NRXN1: variants seen among roughly 807,000 people sequenced by gnomAD.
The protein encoded by NRXN1 is neurexin-1.
In NRXN1, 39 loss-of-function variants were observed where a neutral mutation model predicts 150.9. The ratio of observed to expected loss-of-function variants is 0.26; its 90% confidence interval spans 0.20 to 0.34. The LOEUF is 0.34. Among genes scored for constraint, NRXN1 ranks in the 10% least tolerant of loss-of-function variants. The pLI is 1.00. For missense variants in NRXN1, 1,815 were observed against 1,949.9 expected, an observed-to-expected ratio of 0.93 and a Z score of 1.30; for synonymous variants, 924 against 757.0, an observed-to-expected ratio of 1.22 and a Z score of -3.62.
rs200849814 is a variant in NRXN1 at position 51,028,020 on chromosome 2, C to T, written c.254G>A (p.Arg85His). ...GAAGCTGAGCTGCAGGCGGCCGCCG[C>T]GCGTCAGAATCAGCTCCAGGAAGTC... The part of the protein sequence containing the change: ...FCDFLELILT[R>H]GGRLQLSFSI... The change falls in exon 2 of 23, where the codon CGC becomes CAC. Residue 85 changes from arginine to histidine, a missense_variant. Coordinates refer to ENST00000401669, the MANE Select transcript of NRXN1 (RefSeq NM_001330078.2). The T allele has an allele frequency of 1.9e-6, 3 of 1,599,508 alleles. No homozygotes were observed. Among genetic ancestry groups the T allele is most frequent in the South Asian group, 1.1e-5 (1 of 90,892 alleles).
At chr2:50,099,052 C>G (rs1700662304) in intron 18 of NRXN1, among the ~76,000 whole-genome samples, 1 of 151,938 alleles carries the variant, frequency 6.6e-6, no homozygotes, top group Non-Finnish European at 1.5e-5. Flanking sequence ...TCTAATATGT[C>G]TCCATCCTAC....
At chr2:49,989,532 T>C (rs931594503) in intron 21 of NRXN1, among the ~76,000 whole-genome samples, 1 of 152,144 alleles carries the variant, frequency 6.6e-6, no homozygotes, top group Non-Finnish European at 1.5e-5. Flanking sequence ...TTATTAATTG[T>C]TGTAGCAAGG....
chr2:50,842,771 T>C (rs1252151683), intron 5 of NRXN1, among the ~76,000 whole-genome samples: 1 of 152,182 alleles, frequency 6.6e-6, no homozygotes. Context: ...ATCACATTGG[T>C]ATTAGCAAGA....
At chr2:50,468,325 C>T (rs1395954526) in intron 16 of NRXN1, among the ~76,000 whole-genome samples, 1 of 151,572 alleles carries the variant, frequency 6.6e-6, no homozygotes, top group Non-Finnish European at 1.5e-5. Flanking sequence ...TCTATGTAAG[C>T]ATACAGACGT....
At chr2:50,817,407 G>A (rs746166184) in intron 5 of NRXN1, among the ~76,000 whole-genome samples, 11 of 151,294 alleles carry the variant, frequency 7.3e-5, no homozygotes, top group Non-Finnish European at 1.2e-4. Flanking sequence ...GGTTGCACTG[G>A]AGAATTACAC....
At chr2:50,543,905 CT>C (rs2093438702) in intron 9 of NRXN1, among the ~76,000 whole-genome samples, 2 of 152,068 alleles carry the variant, frequency 1.3e-5, no homozygotes. Flanking sequence ...ATAGGGAACC[CT>C]TTTTCCTGGT....
intron 12 of NRXN1, among the ~76,000 whole-genome samples, chr2:50,509,944 A>G (rs1216167441): frequency 6.6e-6 from 1 of 152,150 alleles, no homozygotes; most frequent in Non-Finnish European, 1.5e-5. Context: ...GGCCCTCACA[A>G]GAAGTGGAAC....
chr2:50,920,472 G>C (rs1685851156), intron 5 of NRXN1, among the ~76,000 whole-genome samples: 2 of 151,636 alleles, frequency 1.3e-5, no homozygotes, highest in South Asian at 4.1e-4. Flanking sequence ...TATATACTTA[G>C]AAATTGTGTA....
At chr2:50,576,250 T>G (rs960122441) in intron 8 of NRXN1, among the ~76,000 whole-genome samples, 3 of 152,040 alleles carry the variant, frequency 2.0e-5, no homozygotes, top group Non-Finnish European at 4.4e-5. Context: ...ATACAATTAG[T>G]GTTCTCATGT....
At chr2:50,692,832 CATT>C (rs970451891) in intron 5 of NRXN1, among the ~76,000 whole-genome samples, 1 of 152,110 alleles carries the variant, frequency 6.6e-6, no homozygotes, top group African/African-American at 2.4e-5. Flanking sequence ...CCCCATCAAT[CATT>C]GTTTCTTCAT....
chr2:50,894,963 G>C (rs971393106), intron 5 of NRXN1, among the ~76,000 whole-genome samples: 16 of 152,038 alleles, frequency 1.1e-4, no homozygotes, highest in Non-Finnish European at 2.2e-4. Context: ...ACTCCTTCAT[G>C]TTATTCCATA....
chr2:51,016,087 A>G (rs957484480), intron 2 of NRXN1, among the ~76,000 whole-genome samples: 4 of 152,136 alleles, frequency 2.6e-5, no homozygotes, highest in African/African-American at 9.7e-5. Context: ...CAACCATCTG[A>G]TCTTTGACAA....
intron 2 of NRXN1, among the ~76,000 whole-genome samples, chr2:50,927,632 T>C (rs575148695): frequency 3.2e-4 from 48 of 152,026 alleles, no homozygotes; most frequent in Non-Finnish European, 6.0e-4. Context: ...TATTGTAATG[T>C]TTAAGATATA....
intron 17 of NRXN1, among the ~76,000 whole-genome samples, chr2:50,259,247 G>C (rs2068014899): frequency 6.6e-6 from 1 of 151,892 alleles, no homozygotes; most frequent in Admixed American, 6.6e-5. Flanking sequence ...AATCTATTGA[G>C]TATAGTCAAC....
chr2:50,799,571 C>T (rs1412057410), intron 5 of NRXN1, among the ~76,000 whole-genome samples: 10 of 152,118 alleles, frequency 6.6e-5, no homozygotes, highest in Non-Finnish European at 1.5e-4. Context: ...CACTAGAAAC[C>T]GTACGTCGAG....
intron 2 of NRXN1, among the ~76,000 whole-genome samples, chr2:50,990,778 T>C (rs1443890481): frequency 1.3e-5 from 2 of 152,024 alleles, no homozygotes; most frequent in Admixed American, 1.3e-4. Flanking sequence ...CCCAGATCCA[T>C]GGCTCACATG....
chr2:50,349,678 G>T (rs2152999892), intron 17 of NRXN1, among the ~76,000 whole-genome samples: 1 of 152,270 alleles, frequency 6.6e-6, no homozygotes, highest in Admixed American at 6.5e-5. Flanking sequence ...CCACAGGGTA[G>T]AAAGGATATC....
At chr2:50,339,548 G>A (rs1002465406) in intron 17 of NRXN1, among the ~76,000 whole-genome samples, 2 of 152,092 alleles carry the variant, frequency 1.3e-5, no homozygotes, top group African/African-American at 2.4e-5. Context: ...AAATCTCACC[G>A]ATATTAAGTT....
chr2:50,409,169 A>C (rs1460230865), intron 17 of NRXN1, among the ~76,000 whole-genome samples: 1 of 152,168 alleles, frequency 6.6e-6, no homozygotes, highest in East Asian at 1.9e-4. Context: ...CAAATGCTGT[A>C]AAATCTGTCT....
Sources: gnomAD v4.1 joint callset for allele counts (sites outside exome capture counted in the v4.1 genomes callset) on GRCh38, gnomAD v4.1.1 for gene constraint, MANE v1.5 for transcripts, NCBI Gene and HGNC (gene_info 2026-07-23, HGNC 2026-07-21) for gene names.